SETD3: variants seen among roughly 807,000 people sequenced by gnomAD.
SETD3 encodes actin-histidine N-methyltransferase.
In SETD3, 19 loss-of-function variants were observed where a neutral mutation model predicts 63.0. The observed-to-expected ratio is 0.30, with a 90% CI of 0.21 to 0.44. The LOEUF (loss-of-function observed/expected upper bound fraction) is 0.44, where lower values mean the gene tolerates loss of function less well. Among genes scored for constraint, SETD3 ranks in the 20% least tolerant of loss-of-function variants. SETD3 has a pLI of 1.00. For missense variants in SETD3, 587 were observed against 728.5 expected (o/e 0.81, Z 2.24); for synonymous variants, 286 against 264.1 (o/e 1.08, Z -0.80).
intron 6 of SETD3, among the ~76,000 whole-genome samples, chr14:99,448,679 T>C (rs968815323): frequency 2.0e-5 from 3 of 152,180 alleles, no homozygotes; most frequent in Admixed American, 6.5e-5. Flanking sequence ...TTTGACTCTA[T>C]TCTGTCCCTC....
chr14:99,407,424 C>T (rs143791699), intron 8 of SETD3, among the ~76,000 whole-genome samples: 169 of 152,298 alleles, frequency 1.1e-3, no homozygotes, highest in Non-Finnish European at 2.1e-3. Context: ...GTCCTTATTC[C>T]TTCTCACCTA....
At chr14:99,414,726 A>T (rs998888364) in intron 6 of SETD3, among the ~76,000 whole-genome samples, 3 of 152,240 alleles carry the variant, frequency 2.0e-5, no homozygotes, top group Admixed American at 2.0e-4. Flanking sequence ...CTTTGTCTCA[A>T]TTAAGAAATT....
intron 8 of SETD3, chr14:99,410,353 T>C: frequency 8.4e-7 from 1 of 1,187,572 alleles, no homozygotes; most frequent in Non-Finnish European, 1.2e-6. Context: ...AATATAAATG[T>C]TTTAGATTTT....
intron 1 of SETD3, among the ~76,000 whole-genome samples, chr14:99,468,606 C>T (rs936456870): frequency 4.6e-5 from 7 of 151,800 alleles, no homozygotes; most frequent in South Asian, 2.1e-4. Flanking sequence ...CTCCCAGTCC[C>T]TCTACAGACG....
At chr14:99,404,475 C>G (rs1891572356) in intron 10 of SETD3, among the ~76,000 whole-genome samples, 165 bp from the exon 11 acceptor site, 1 of 152,206 alleles carries the variant, frequency 6.6e-6, no homozygotes, top group African/African-American at 2.4e-5. Flanking sequence ...TTTTCAGCCC[C>G]TGCAAAAGGC....
chr14:99,413,099 A>G, intron 7 of SETD3, 34 bp from the exon 8 acceptor site: 1 of 1,344,900 alleles, frequency 7.4e-7, no homozygotes, highest in Non-Finnish European at 1.1e-6. Flanking sequence ...TAAGGTTGGA[A>G]CATTTAAAAG....
At chr14:99,475,298 T>C (rs537030861) in intron 1 of SETD3, among the ~76,000 whole-genome samples, 2 of 152,352 alleles carry the variant, frequency 1.3e-5, no homozygotes, top group South Asian at 2.1e-4. Flanking sequence ...CCGGATGTTA[T>C]GGAGCAGTCA....
chr14:99,413,114 T>C lies in SETD3; in HGVS notation c.735-49A>G, dbSNP rs199673296. 6 of 1,115,898 alleles carry C rather than the reference T, an allele frequency of 5.4e-6. No homozygotes were observed. The African/African-American group carries it at 7.8e-5, about 14-fold the overall frequency. 69.1% of individuals were successfully genotyped at this position (1,115,898 alleles called of 1,614,324 possible). A position where few individuals can be genotyped will look rare whatever the true frequency, so the allele number is the denominator to read the frequency against. ...TAAGGTTGGAACATTTAAAAGCCAA[T>C]TGCAGTAAGAAATAACATAACCAAA... On this transcript the variant is annotated intron_variant, in intron 7 of 12. Transcript: ENST00000331768.
At chr14:99,464,342 TAA>T (rs1039617031) in intron 2 of SETD3, among the ~76,000 whole-genome samples, 1 of 152,212 alleles carries the variant, frequency 6.6e-6, no homozygotes, top group African/African-American at 2.4e-5. Context: ...TGCTCTCTAT[TAA>T]AAGAGTATAT....
chr14:99,461,450 AC>A, intron 3 of SETD3, 110 bp from the exon 4 acceptor site: 1 of 1,081,206 alleles, frequency 9.2e-7, no homozygotes, highest in Non-Finnish European at 1.3e-6. Context: ...AATAGTCTTA[AC>A]ACGCCAATCT....
At chr14:99,467,965 T>C (rs1895487275) in intron 1 of SETD3, among the ~76,000 whole-genome samples, 1 of 152,128 alleles carries the variant, frequency 6.6e-6, no homozygotes, top group South Asian at 2.1e-4. Context: ...TGCCAGGTGC[T>C]GGACTAAGAC....
chr14:99,474,008 C>A (rs1238281848), intron 1 of SETD3, among the ~76,000 whole-genome samples: 1 of 152,228 alleles, frequency 6.6e-6, no homozygotes, highest in African/African-American at 2.4e-5. Context: ...CGGCACCTAT[C>A]ATTCCAATCT....
intron 2 of SETD3, among the ~76,000 whole-genome samples, chr14:99,464,095 G>A (rs971145129): frequency 6.6e-6 from 1 of 152,178 alleles, no homozygotes; most frequent in East Asian, 1.9e-4. Flanking sequence ...CCATGTGTAC[G>A]GCACTATATT....
intron 6 of SETD3, 97 bp from the exon 7 acceptor site, chr14:99,414,031 C>T: frequency 8.6e-7 from 1 of 1,161,374 alleles, no homozygotes; most frequent in Non-Finnish European, 1.3e-6. Context: ...CCTAACAGAT[C>T]CTAACAAGAG....
intron 8 of SETD3, 146 bp downstream of exon 8, chr14:99,412,805 A>G (rs1892070108): frequency 3.3e-6 from 2 of 609,302 alleles, no homozygotes; most frequent in African/African-American, 3.7e-5. Flanking sequence ...GGCGGTGGGG[A>G]GGAGTGGCCG....
intron 6 of SETD3, among the ~76,000 whole-genome samples, chr14:99,421,232 GA>G (rs1441659058): frequency 2.6e-5 from 4 of 151,964 alleles, no homozygotes; most frequent in African/African-American, 9.7e-5. Flanking sequence ...GAAATAAACA[GA>G]ACGGTAAAAA....
intron 6 of SETD3, among the ~76,000 whole-genome samples, chr14:99,456,000 C>T (rs749104736): frequency 2.6e-5 from 4 of 152,272 alleles, no homozygotes; most frequent in East Asian, 1.9e-4. Flanking sequence ...ACAAAAAATA[C>T]GAAAAATTAG....
At chr14:99,485,707 A>G (rs1001118918), upstream of SETD3, among the ~76,000 whole-genome samples, 1 of 152,128 alleles carries the variant, frequency 6.6e-6, no homozygotes, top group Non-Finnish European at 1.5e-5. Context: ...AGAATAACCT[A>G]TTTCCAGCCA....
chr14:99,408,508 C>A (rs552553166), intron 8 of SETD3, among the ~76,000 whole-genome samples: 5 of 151,986 alleles, frequency 3.3e-5, no homozygotes, highest in South Asian at 4.2e-4. Context: ...TACAGGTACA[C>A]AGGGACCTGC....
Sources: allele counts gnomAD v4.1 joint callset (sites outside exome capture counted in the v4.1 genomes callset), GRCh38; gene constraint gnomAD v4.1.1; transcripts MANE v1.5; gene names NCBI Gene and HGNC (gene_info 2026-07-23, HGNC 2026-07-21).